ITPR2: variants seen among roughly 807,000 people sequenced by gnomAD.
ITPR2 encodes the protein inositol 1,4,5-trisphosphate receptor type 2.
A neutral mutation model predicts 317.1 loss-of-function variants in ITPR2; 207 were observed. The ratio of observed to expected loss-of-function variants is 0.65; its 90% CI spans 0.58 to 0.73. The LOEUF (loss-of-function observed/expected upper bound fraction) is 0.73. Ranked by LOEUF, ITPR2 falls within the 30% of genes least tolerant of loss-of-function variation. The pLI, the probability that ITPR2 is intolerant of heterozygous loss-of-function variation, is 0.00. For synonymous variants in ITPR2, 1,156 were observed against 1,149.1 expected (o/e 1.01, Z -0.12); for missense variants, 2,613 against 3,284.0 (o/e 0.80, Z 4.99).
intron 2 of ITPR2, among the ~76,000 whole-genome samples, chr12:26,746,804 C>T (rs746104892): frequency 2.2e-4 from 33 of 147,914 alleles, no homozygotes; most frequent in Non-Finnish European, 1.9e-4. Context: ...CAAGTGTTCT[C>T]TTATCAGGGG....
intron 2 of ITPR2, among the ~76,000 whole-genome samples, chr12:26,740,666 G>T (rs768086035): frequency 6.6e-6 from 1 of 152,166 alleles, no homozygotes; most frequent in Non-Finnish European, 1.5e-5. Flanking sequence ...GGATGTTGTG[G>T]AGGAGGAAAA....
chr12:26,410,218 C>T (rs1408629091), intron 52 of ITPR2, among the ~76,000 whole-genome samples: 2 of 152,118 alleles, frequency 1.3e-5, no homozygotes, highest in Non-Finnish European at 2.9e-5. Context: ...TAATGCTATA[C>T]GAGTCAAGAA....
At chr12:26,810,523 C>T (rs932768510) in intron 1 of ITPR2, among the ~76,000 whole-genome samples, 4 of 152,350 alleles carry the variant, frequency 2.6e-5, no homozygotes, top group East Asian at 3.9e-4. Context: ...CCCTGACTGA[C>T]TCGATTCCAA....
chr12:26,801,449 A>G (rs1950554361), intron 1 of ITPR2: 1 of 152,406 alleles, frequency 6.6e-6, no homozygotes, highest in Non-Finnish European at 1.5e-5. Context: ...ATGATGATAG[A>G]TATGATATGA....
chr12:26,377,583 T>C (rs1389789179), intron 55 of ITPR2, among the ~76,000 whole-genome samples: 1 of 152,232 alleles, frequency 6.6e-6, no homozygotes, highest in Non-Finnish European at 1.5e-5. Context: ...AGGTTTTCCC[T>C]ACCTGTTCTC....
intron 9 of ITPR2, among the ~76,000 whole-genome samples, chr12:26,707,828 C>T (rs1948581382): frequency 6.6e-6 from 1 of 151,980 alleles, no homozygotes; most frequent in Admixed American, 6.6e-5. Context: ...CCGCGCCTGG[C>T]CAACCTGGGC....
intron 52 of ITPR2, among the ~76,000 whole-genome samples, chr12:26,410,218 C>A (rs1408629091): frequency 6.6e-6 from 1 of 152,118 alleles, no homozygotes; most frequent in Non-Finnish European, 1.5e-5. Flanking sequence ...TAATGCTATA[C>A]GAGTCAAGAA....
Position 26,339,120 on chromosome 12 carries a change from C to T in ITPR2, c.*277G>A. The T allele has an allele frequency of 2.8e-6, 1 of 353,884 alleles. No individual in the cohort carries two copies. Among genetic ancestry groups the T allele is most frequent in the Non-Finnish European group, 5.2e-6 (1 of 192,822 alleles). 21.9% of individuals were successfully genotyped at this position (353,884 alleles called of 1,614,324 possible). A position where few individuals can be genotyped will look rare whatever the true frequency, so the allele number is the denominator to read the frequency against. The stretch of plus-strand genomic sequence containing the variant: ...CCGTGTCTCCTTCCATCCTGCCGCT[C>T]CCTGCCCTCTCCAGCCTTTTGGGCA... On this transcript the variant is annotated 3_prime_UTR_variant, in exon 57 of 57. Transcript: ENST00000381340.
intron 5 of ITPR2, among the ~76,000 whole-genome samples, chr12:26,719,452 A>G (rs1948795785): frequency 6.6e-6 from 1 of 152,202 alleles, no homozygotes; most frequent in South Asian, 2.1e-4. Flanking sequence ...AGAGCCATGT[A>G]AGATTCAAGC....
At chr12:26,829,338 C>A (rs987453905) in intron 1 of ITPR2, among the ~76,000 whole-genome samples, 6 of 151,826 alleles carry the variant, frequency 4.0e-5, no homozygotes, top group African/African-American at 1.5e-4. Context: ...TTTCATAGCA[C>A]CTTTTTTTTT....
intron 2 of ITPR2, among the ~76,000 whole-genome samples, chr12:26,742,605 A>C (rs1199393451): frequency 6.6e-6 from 1 of 152,128 alleles, no homozygotes; most frequent in Non-Finnish European, 1.5e-5. Context: ...GCCTGAGGTC[A>C]GGAGTTTGAG....
intron 39 of ITPR2, among the ~76,000 whole-genome samples, chr12:26,489,517 T>C (rs1011238036): frequency 7.2e-5 from 11 of 152,234 alleles, no homozygotes; most frequent in Admixed American, 2.0e-4. Flanking sequence ...AGCTTGGGTC[T>C]ATCTCAGTTT....
intron 41 of ITPR2, among the ~76,000 whole-genome samples, chr12:26,484,966 T>A (rs973324972): frequency 6.6e-6 from 1 of 152,160 alleles, no homozygotes; most frequent in Admixed American, 6.5e-5. Context: ...CCGCCCATCT[T>A]GGCCTCCCAA....
At chr12:26,624,589 T>C (rs867385683) in intron 23 of ITPR2, among the ~76,000 whole-genome samples, 8 of 152,158 alleles carry the variant, frequency 5.3e-5, no homozygotes, top group African/African-American at 1.7e-4. Flanking sequence ...TCAACATCAC[T>C]GATCATCAGA....
At chr12:26,784,412 A>C (rs1420678711) in intron 2 of ITPR2, among the ~76,000 whole-genome samples, 1 of 145,820 alleles carries the variant, frequency 6.9e-6, no homozygotes, top group African/African-American at 2.5e-5. Flanking sequence ...CCAAGGCTGG[A>C]CGGTGCTGCT....
At chr12:26,739,773 A>G (rs185595688) in intron 2 of ITPR2, among the ~76,000 whole-genome samples, 16 of 152,370 alleles carry the variant, frequency 1.1e-4, no homozygotes, top group Admixed American at 7.2e-4. Flanking sequence ...TAAAAGGAGT[A>G]AATTTTATGG....
intron 55 of ITPR2, among the ~76,000 whole-genome samples, chr12:26,342,265 G>A (rs1448570183): frequency 1.3e-5 from 2 of 150,766 alleles, no homozygotes; most frequent in Non-Finnish European, 3.0e-5. Context: ...GGAGGGAGGA[G>A]AACAGACCTG....
chr12:26,587,865 A>G (rs950367167), intron 32 of ITPR2, among the ~76,000 whole-genome samples: 6 of 151,854 alleles, frequency 4.0e-5, no homozygotes, highest in African/African-American at 1.5e-4. Flanking sequence ...AATCATCCAA[A>G]TGAGAGAGAA....
At chr12:26,677,232 T>G (rs1164688468) in intron 13 of ITPR2, among the ~76,000 whole-genome samples, 2 of 151,898 alleles carry the variant, frequency 1.3e-5, no homozygotes, top group Non-Finnish European at 2.9e-5. Flanking sequence ...CAAGCTACAC[T>G]AAAGAAAGAA....
Sources: allele counts gnomAD v4.1 joint callset (sites outside exome capture counted in the v4.1 genomes callset), GRCh38; gene constraint gnomAD v4.1.1; transcripts MANE v1.5; gene names NCBI Gene and HGNC (gene_info 2026-07-23, HGNC 2026-07-21).